SETBP1: variants seen among roughly 807,000 people sequenced by gnomAD.
The protein encoded by SETBP1 is SET-binding protein.
In SETBP1, 9 loss-of-function variants were observed where a neutral mutation model predicts 101.0. The ratio of observed to expected loss-of-function variants is 0.09; its 90% CI spans 0.05 to 0.16. SETBP1 has a LOEUF of 0.16. SETBP1 is among the 10% of genes least tolerant of loss of function. SETBP1 has a pLI of 1.00. For synonymous variants in SETBP1, 818 were observed against 788.5 expected, an observed-to-expected ratio of 1.04 and a Z score of -0.63; for missense variants, 1,858 against 2,033.8, an observed-to-expected ratio of 0.91 and a Z score of 1.66.
chr18:44,729,745 G>A (rs112798206), intron 2 of SETBP1, among the ~76,000 whole-genome samples: 2,500 of 152,290 alleles, frequency 0.016, 35 homozygotes, highest in South Asian at 0.057. Context: ...AAGTCTTAGA[G>A]CTGTGGAGAG....
intron 2 of SETBP1, among the ~76,000 whole-genome samples, chr18:44,710,832 A>C (rs1184542656): frequency 6.6e-6 from 1 of 152,176 alleles, no homozygotes; most frequent in Non-Finnish European, 1.5e-5. Context: ...AAAGTGTTTC[A>C]ACAGCATGGT....
At position 45,066,111 on chromosome 18, in the gene SETBP1, T is replaced by C. The variant is rs1434196974; in HGVS notation, c.*2413T>C. 5 of 152,190 alleles carry C rather than the reference T, an allele frequency of 3.3e-5. No homozygotes were observed. The highest frequency in any genetic ancestry group is 1.3e-4 in the Admixed American group (2 of 15,276). 9.4% of individuals were successfully genotyped at this position (152,190 alleles called of 1,614,324 possible). A position where few individuals can be genotyped will look rare whatever the true frequency, so the allele number is the denominator to read the frequency against. On this transcript the variant is annotated 3_prime_UTR_variant, in exon 6 of 6. Transcript: ENST00000649279. ...AAGATGAGCTGGCACTCTGCAAACT[T>C]CTTTAATAAGGACCCAAAGTTTACT...
intron 2 of SETBP1, among the ~76,000 whole-genome samples, chr18:44,734,345 C>A (rs1350852796): frequency 6.6e-6 from 1 of 152,192 alleles, no homozygotes; most frequent in Non-Finnish European, 1.5e-5. Flanking sequence ...CTGAAGACTG[C>A]ATGTGTGTCC....
In SETBP1 at chr18:44,885,859, A is replaced by AAAAAC. The variant is rs1019449035; in HGVS notation, c.540+16580_540+16581insCAAAA. Among the ~76,000 whole-genome samples the AAAAAC allele has an allele frequency of 5.8e-5, 8 of 138,884 alleles. 2 individuals are homozygous for AAAAAC. Among genetic ancestry groups the AAAAAC allele is most frequent in the Non-Finnish European group, 1.2e-4 (8 of 66,132 alleles). 91.1% of individuals were successfully genotyped at this position (138,884 alleles called of 152,430 possible). ...CATTTCATTAAAAAAAAAAAAAACA[A>AAAAAC]AAAAAAAAACAAGGTGACTTACCCT... On this transcript the variant is annotated intron_variant, in intron 3 of 5. Transcript: ENST00000649279.
At chr18:44,696,201 A>G (rs1477015141) in intron 1 of SETBP1, among the ~76,000 whole-genome samples, 6 of 152,220 alleles carry the variant, frequency 3.9e-5, no homozygotes, top group Non-Finnish European at 2.9e-5. Flanking sequence ...TTTGTGGATG[A>G]ATACGACACA....
intron 5 of SETBP1, among the ~76,000 whole-genome samples, chr18:45,058,106 G>A (rs1380306040): frequency 6.6e-6 from 1 of 152,152 alleles, no homozygotes; most frequent in Non-Finnish European, 1.5e-5. Flanking sequence ...TTGTATTGCC[G>A]AGTTATGAAG....
chr18:44,999,747 G>T (rs572747444), intron 4 of SETBP1, among the ~76,000 whole-genome samples: 1 of 152,304 alleles, frequency 6.6e-6, no homozygotes, highest in Admixed American at 6.5e-5. Context: ...CAATTTTTCT[G>T]TGTATGTACA....
intron 4 of SETBP1, among the ~76,000 whole-genome samples, chr18:44,961,542 C>A (rs563072200): frequency 6.6e-6 from 1 of 152,270 alleles, no homozygotes; most frequent in Non-Finnish European, 1.5e-5. Context: ...GAAGTCAGCC[C>A]TTGATGAGAA....
In SETBP1 at chr18:44,894,392, T is replaced by G. The variant is rs536490996; in HGVS notation, c.540+25109T>G. On this transcript the variant is annotated intron_variant, in intron 3 of 5. Coordinates refer to ENST00000649279, the MANE Select transcript of SETBP1 (RefSeq NM_015559.3). ...GGATGTGTATTCCTGATCATCTTACTTGGATCATTTTTTTTTTCACCCTTC... is the reference window on the plus strand; with the variant it reads ...GGATGTGTATTCCTGATCATCTTACGTGGATCATTTTTTTTTTCACCCTTC... 2.8e-4 allele frequency among the ~76,000 whole-genome samples: 43 copies of G among 152,130 alleles called. 1 individual carries two copies. The South Asian group carries it at 8.9e-3, about 31-fold the overall frequency.
intron 2 of SETBP1, among the ~76,000 whole-genome samples, chr18:44,790,638 T>G (rs2071349658): frequency 6.6e-6 from 1 of 152,218 alleles, no homozygotes; most frequent in Admixed American, 6.5e-5. Flanking sequence ...GGGATCTCAG[T>G]ATTGGCTGCA....
Position 44,953,328 on chromosome 18 carries a change from T to C in SETBP1, c.3988T>C (p.Ser1330Pro). The C allele has an allele frequency of 6.2e-7, 1 of 1,613,556 alleles. No individual in the cohort carries two copies. The highest frequency in any genetic ancestry group is 8.5e-7 in the Non-Finnish European group (1 of 1,179,796). Residue 1330 changes from serine (S) to proline (P), a missense_variant, in exon 4 of 6, where the codon TCC becomes CCC. Physicochemically the swap from Ser to Pro is moderately conservative, Grantham distance 74. Transcript: ENST00000649279. Reference protein sequence around the residue: ...NRKERSSYDSSMSPGMPSPHL... With the variant: ...NRKERSSYDSPMSPGMPSPHL... ...CAAGGAGAGAAGTTCTTATGACTCCTCCATGTCTCCAGGTAAGGCTGTTTT... is the reference window on the plus strand; with the variant it reads ...CAAGGAGAGAAGTTCTTATGACTCCCCCATGTCTCCAGGTAAGGCTGTTTT...
chr18:44,861,324 C>T (rs1477493683), intron 2 of SETBP1, among the ~76,000 whole-genome samples: 3 of 149,608 alleles, frequency 2.0e-5, no homozygotes, highest in Non-Finnish European at 4.4e-5. Context: ...CTGCAACCTC[C>T]GCCTCTCAAG....
chr18:45,020,409 C>A (rs1261535982), intron 4 of SETBP1, among the ~76,000 whole-genome samples: 1 of 151,908 alleles, frequency 6.6e-6, no homozygotes, highest in Non-Finnish European at 1.5e-5. Context: ...TAACTGGGTT[C>A]TCCAGGCCTT....
chr18:44,990,222 G>A (rs1242259802), intron 4 of SETBP1, among the ~76,000 whole-genome samples: 18 of 152,106 alleles, frequency 1.2e-4, no homozygotes, highest in South Asian at 4.2e-4. Context: ...AAATATTTTC[G>A]AGAAAGAAGG....
rs1184016207 is a variant in SETBP1, at chr18:45,066,614, C to T, written c.*2916C>T. The T allele has an allele frequency of 6.6e-6, 1 of 151,930 alleles. No individual in the cohort carries two copies. Among genetic ancestry groups the T allele is most frequent in the East Asian group, 1.9e-4 (1 of 5,182 alleles). The allele number at this position is 151,930 out of a possible 1,614,324, so 9.4% of individuals were successfully genotyped here. ...AGAGCTAGGAAGAAAACCCAGCTCT[C>T]CCAACCCTGATCGTGGAGGTCTCTG... On this transcript the variant is annotated 3_prime_UTR_variant, in exon 6 of 6. Transcript: ENST00000649279.
chr18:44,952,062 G>T lies in SETBP1; in HGVS notation c.2722G>T (p.Asp908Tyr). 2 of 1,614,040 alleles carry T rather than the reference G, an allele frequency of 1.2e-6. No homozygotes were observed. Among genetic ancestry groups the T allele is most frequent in the East Asian group, 2.2e-5 (1 of 44,864 alleles). Residue 908 changes from aspartate (D) to tyrosine (Y), a missense_variant, in exon 4 of 6, where the codon GAC becomes TAC. By Grantham distance (160) the Asp-to-Tyr change is radical. This residue lies in a region of SETBP1 where 255 missense variants were observed against 300.1 expected (regional missense o/e 0.85). Transcript: ENST00000649279. ...GGACAACCCGGAGGCCATTCCGTCC[G>T]ACACCAGCACAAAGAACCGGCATGG... ...SLDNPEAIPSDTSTKNRHGHR... is the reference protein window; with the variant it reads ...SLDNPEAIPSYTSTKNRHGHR...
Position 44,701,313 on chromosome 18 carries a change from C to A in SETBP1, c.-34C>A, listed in dbSNP as rs376964078. The A allele has an allele frequency of 2.1e-6, 3 of 1,454,960 alleles. No individual in the cohort carries two copies. The highest frequency in any genetic ancestry group is 3.0e-5 in the South Asian group (2 of 67,124). 90.1% of individuals were successfully genotyped at this position (1,454,960 alleles called of 1,614,324 possible). ...TCCCTTTTCCCTTTTCCCCTTCCCC[C>A]TCCTGAGAACTCCGGAAGACTGTAG... On this transcript the variant is annotated 5_prime_UTR_variant, in exon 2 of 6. Transcript: ENST00000649279.
At chr18:44,778,329 C>T (rs566922725) in intron 2 of SETBP1, among the ~76,000 whole-genome samples, 2 of 152,252 alleles carry the variant, frequency 1.3e-5, no homozygotes, top group South Asian at 4.2e-4. Context: ...GGGGGGTCAC[C>T]TAATCACTCA....
chr18:44,786,085 A>AT (rs1294055897), intron 2 of SETBP1, among the ~76,000 whole-genome samples: 1 of 152,192 alleles, frequency 6.6e-6, no homozygotes, highest in East Asian at 1.9e-4. Flanking sequence ...CAGAAAGGCC[A>AT]TTGATGAAAC....
Sources: gnomAD v4.1 joint callset for allele counts (sites outside exome capture counted in the v4.1 genomes callset) on GRCh38, gnomAD v4.1.1 for gene constraint, gnomAD v4.1.1 regional missense constraint, MANE v1.5 for transcripts, NCBI Gene and HGNC (gene_info 2026-07-23, HGNC 2026-07-21) for gene names.